The following CAMTA1 variants were observed in gnomAD, a reference collection of about 807,000 sequenced individuals.
CAMTA1 encodes calmodulin binding transcription activator 1, also known as calmodulin-binding transcription activator 1.
A neutral mutation model predicts 170.9 loss-of-function variants in CAMTA1; 27 were observed. That is an observed-to-expected ratio of 0.16 (90% CI 0.12 to 0.22). CAMTA1 has a LOEUF of 0.22. Ranked by LOEUF, CAMTA1 falls within the 10% of genes least tolerant of loss-of-function variation. The pLI is 1.00. For synonymous variants in CAMTA1, 833 were observed against 891.5 expected, an observed-to-expected ratio of 0.93 and a Z score of 1.17; for missense variants, 1,619 against 2,217.2, an observed-to-expected ratio of 0.73 and a Z score of 5.42.
At chr1:7,474,436 A>T (rs1252922658) in intron 6 of CAMTA1, among the ~76,000 whole-genome samples, 1 of 152,234 alleles carries the variant, frequency 6.6e-6, no homozygotes, top group East Asian at 1.9e-4. Flanking sequence ...GGAAGTCTGC[A>T]TTGATGCCGT....
At chr1:7,051,672 C>T (rs1160487512) in intron 3 of CAMTA1, among the ~76,000 whole-genome samples, 1 of 151,956 alleles carries the variant, frequency 6.6e-6, no homozygotes, top group Non-Finnish European at 1.5e-5. Context: ...CCTGCCAGGA[C>T]AGACTCATCC....
At position 7,144,613 on chromosome 1, in the gene CAMTA1, A is replaced by T. The variant is rs55915943; in HGVS notation, c.302+53242A>T. Among the ~76,000 whole-genome samples the T allele has an allele frequency of 5.3e-5, 8 of 152,134 alleles. No individual in the cohort carries two copies. The highest frequency in any genetic ancestry group is 1.9e-4 in the African/African-American group (8 of 41,394). On this transcript the variant is annotated intron_variant, in intron 4 of 22. Transcript: ENST00000303635. The surrounding 1 kb of genome is among the most constrained non-coding windows in gnomAD (Gnocchi z 4.0). ...ACTCTCATTTTCAGAACTCGTTACGAGACTTGTTTATACAGATATTAGGAC... is the reference window on the plus strand; with the variant it reads ...ACTCTCATTTTCAGAACTCGTTACGTGACTTGTTTATACAGATATTAGGAC...
chr1:7,708,829 T>G (rs908080806), intron 11 of CAMTA1, among the ~76,000 whole-genome samples: 1 of 152,208 alleles, frequency 6.6e-6, no homozygotes, highest in Non-Finnish European at 1.5e-5. Flanking sequence ...AAAGTGCTGA[T>G]CATAAAGCTA....
intron 3 of CAMTA1, among the ~76,000 whole-genome samples, chr1:6,938,326 C>G (rs1462763006): frequency 6.6e-6 from 1 of 152,132 alleles, no homozygotes; most frequent in African/African-American, 2.4e-5. Context: ...GGCTGAGAGA[C>G]TGGTTGGCTG....
At chr1:7,696,942 CTG>C (rs2096383150) in intron 11 of CAMTA1, among the ~76,000 whole-genome samples, 2 of 152,162 alleles carry the variant, frequency 1.3e-5, no homozygotes, top group Admixed American at 6.5e-5. Flanking sequence ...TGGGTGGGAC[CTG>C]TGAGTTAAAC....
In CAMTA1 at chr1:7,456,771, G is replaced by A. The variant is rs1557746062; in HGVS notation, c.439-11059G>A. Among the ~76,000 whole-genome samples, 2 of 152,370 alleles carry A rather than the reference G, an allele frequency of 1.3e-5. No individual in the cohort carries two copies. Among genetic ancestry groups the A allele is most frequent in the East Asian group, 3.9e-4 (2 of 5,190 alleles). On this transcript the variant is annotated intron_variant, in intron 5 of 22. Coordinates refer to ENST00000303635, the MANE Select transcript of CAMTA1 (RefSeq NM_015215.4). The surrounding 1 kb of genome is among the most constrained non-coding windows in gnomAD (Gnocchi z 4.9). ...CTGCCTTCCCCAAAGCGGTTTGGCA[G>A]GTGCTGGGACACAGCAGGGGCCCAT...
chr1:7,711,421 C>T (rs192278235), intron 11 of CAMTA1, among the ~76,000 whole-genome samples: 8 of 152,188 alleles, frequency 5.3e-5, no homozygotes, highest in East Asian at 3.9e-4. Flanking sequence ...AAGGAAGGGA[C>T]GCTAGGGGGG....
chr1:7,280,585 C>T (rs1399850772), intron 5 of CAMTA1, among the ~76,000 whole-genome samples: 1 of 152,192 alleles, frequency 6.6e-6, no homozygotes, highest in African/African-American at 2.4e-5. Flanking sequence ...ATTATAATTG[C>T]CATGTGGCAC....
intron 5 of CAMTA1, among the ~76,000 whole-genome samples, chr1:7,261,581 C>G (rs916394): frequency 0.2 from 30,965 of 152,222 alleles, 3,907 homozygotes; most frequent in East Asian, 0.47. Flanking sequence ...TGAGTTGCAT[C>G]TGGACCAAGG....
At chr1:7,684,122 G>A (rs940557608) in intron 11 of CAMTA1, among the ~76,000 whole-genome samples, 4 of 152,318 alleles carry the variant, frequency 2.6e-5, no homozygotes, top group Admixed American at 6.5e-5. Context: ...GGTGCCCTGC[G>A]GAGAAATGGC....
chr1:6,852,281 A>G (rs1313629107), intron 3 of CAMTA1, among the ~76,000 whole-genome samples: 2 of 152,230 alleles, frequency 1.3e-5, no homozygotes, highest in African/African-American at 4.8e-5. Flanking sequence ...TCTTTCTTCT[A>G]CACTCACAAA....
rs1005221559 is a variant in CAMTA1 at position 7,732,862 on chromosome 1, A to G, written c.3066+263A>G. On this transcript the variant is annotated intron_variant, in intron 12 of 22. Coordinates refer to ENST00000303635, the MANE Select transcript of CAMTA1 (RefSeq NM_015215.4). This position sits in a 1 kb window ranked among gnomAD's most constrained non-coding sequence, Gnocchi z 4.1. ...TCTATTAATCTCAGAATTCACTACT[A>G]AATTACAGGGCAGTGGGAATTAAGG... Among the ~76,000 whole-genome samples, 5 of 152,100 alleles carry G rather than the reference A, an allele frequency of 3.3e-5. No individual in the cohort carries two copies. Among genetic ancestry groups the G allele is most frequent in the African/African-American group, 7.2e-5 (3 of 41,406 alleles).
chr1:6,828,853 A>G (rs896667576), intron 3 of CAMTA1, among the ~76,000 whole-genome samples: 7 of 151,334 alleles, frequency 4.6e-5, no homozygotes. Flanking sequence ...TCAAAGGCCT[A>G]CAAACCTAAA....
rs1376562015 is a variant in CAMTA1 at position 7,101,632 on chromosome 1, G to A, written c.302+10261G>A. ...CACTTGAGCTTTTGCTTTGCGTTGT[G>A]TGTGTGAGCTTACACACATGTATGC... On this transcript the variant is annotated intron_variant, in intron 4 of 22. Transcript: ENST00000303635. Among the ~76,000 whole-genome samples the A allele has an allele frequency of 4.6e-5, 7 of 152,248 alleles. 1 individual carries two copies. The highest frequency in any genetic ancestry group is 2.0e-4 in the Admixed American group (3 of 15,292).
chr1:6,854,198 C>T (rs1040389184), intron 3 of CAMTA1, among the ~76,000 whole-genome samples: 11 of 152,112 alleles, frequency 7.2e-5, no homozygotes, highest in Non-Finnish European at 1.2e-4. Flanking sequence ...ATTCCTGTCT[C>T]GTAGGGATGT....
intron 3 of CAMTA1, among the ~76,000 whole-genome samples, chr1:7,034,314 A>G (rs1215207601): frequency 6.6e-6 from 1 of 152,070 alleles, no homozygotes. Flanking sequence ...CCACCACCAC[A>G]GCCAGTTAAT....
chr1:6,816,436 T>C (rs895446798), intron 1 of CAMTA1, among the ~76,000 whole-genome samples: 3 of 152,120 alleles, frequency 2.0e-5, no homozygotes, highest in African/African-American at 7.2e-5. Context: ...CCTTTAATAG[T>C]TGTAGAACAA....
intron 6 of CAMTA1, among the ~76,000 whole-genome samples, chr1:7,527,135 C>T (rs936464052): frequency 6.6e-6 from 1 of 152,204 alleles, no homozygotes; most frequent in Non-Finnish European, 1.5e-5. Flanking sequence ...CTCAAAGCCA[C>T]CACTGACTGT....
chr1:7,559,465 G>A (rs1379799532), intron 6 of CAMTA1, among the ~76,000 whole-genome samples: 1 of 152,222 alleles, frequency 6.6e-6, no homozygotes, highest in Non-Finnish European at 1.5e-5. Flanking sequence ...ACCAATAGGA[G>A]TGGAATGAAA....
Sources: allele counts gnomAD v4.1 joint callset (sites outside exome capture counted in the v4.1 genomes callset), GRCh38; gene constraint gnomAD v4.1.1; non-coding constraint Gnocchi (gnomAD v3.1); transcripts MANE v1.5; gene names NCBI Gene and HGNC (gene_info 2026-07-23, HGNC 2026-07-21).